Variants in OR51A7 observed in about 807,000 individuals in gnomAD.
OR51A7 encodes the protein olfactory receptor 51A7.
For missense variants in OR51A7, 409 were observed against 374.5 expected (o/e 1.09, Z -0.76); for synonymous variants, 143 against 135.5 (o/e 1.05, Z -0.38).
rs1252698299 is a variant in OR51A7 at position 4,908,428 on chromosome 11, A to G, written c.*120A>G. The G allele has an allele frequency of 1.2e-6, 1 of 829,446 alleles. No individual in the cohort carries two copies. The highest frequency in any genetic ancestry group is 2.0e-6 in the Non-Finnish European group (1 of 500,296). 51.4% of individuals were successfully genotyped at this position (829,446 alleles called of 1,614,324 possible). ...GGATGATGGAAGTGAAAAGCTATGT[A>G]GTGCAGAATTTATAATAAAGTTGAG... On this transcript the variant is annotated 3_prime_UTR_variant, in exon 2 of 2. Coordinates refer to ENST00000641490, the MANE Select transcript of OR51A7 (RefSeq NM_001004749.2).
At position 4,907,478 on chromosome 11, in the gene OR51A7, C is replaced by T. The variant is rs769755963; in HGVS notation, c.109C>T (p.Leu37Phe). 5 of 1,613,844 alleles carry T rather than the reference C, an allele frequency of 3.1e-6. No homozygotes were observed. In the South Asian group the frequency reaches 3.3e-5, roughly 11 times the overall value. The change falls in exon 2 of 2, where the codon CTT becomes TTT. Residue 37 changes from leucine to phenylalanine, a missense_variant. By Grantham distance (22) the Leu-to-Phe change is conservative. Transcript: ENST00000641490. ...CATCCCCATTTGCCTCATGTACCTG[C>T]TTGCCATCATGGGCAACTGCACCAT... is the stretch of plus-strand genomic sequence containing the variant. ...FSIPICLMYL[L>F]AIMGNCTILF...
chr11:4,904,435 A>C (rs1850852218), intron 1 of OR51A7, among the ~76,000 whole-genome samples: 1 of 152,076 alleles, frequency 6.6e-6, no homozygotes, highest in Non-Finnish European at 1.5e-5. Context: ...CATCTACTAT[A>C]TTCCACCTCT....
intron 1 of OR51A7, among the ~76,000 whole-genome samples, chr11:4,906,860 G>T (rs575213542): frequency 6.6e-6 from 1 of 152,156 alleles, no homozygotes; most frequent in East Asian, 1.9e-4. Context: ...GGAGGCCAAG[G>T]CAGGTGGATC....
At chr11:4,905,307 G>A (rs951814611) in intron 1 of OR51A7, among the ~76,000 whole-genome samples, 1 of 152,056 alleles carries the variant, frequency 6.6e-6, no homozygotes, top group Non-Finnish European at 1.5e-5. Context: ...ACTGTTCAAG[G>A]CCCTTTTCCA....
intron 1 of OR51A7, 30 bp from the exon 2 acceptor site, chr11:4,907,309 C>T (rs2133565393): frequency 2.5e-6 from 3 of 1,191,364 alleles, no homozygotes; most frequent in Non-Finnish European, 3.6e-6. Flanking sequence ...TAACCAAAAG[C>T]ATGACTGCTT....
intron 1 of OR51A7, among the ~76,000 whole-genome samples, chr11:4,904,780 G>C (rs1473822708): frequency 6.6e-6 from 1 of 152,114 alleles, no homozygotes; most frequent in Admixed American, 6.5e-5. Flanking sequence ...AAAGTGCTAA[G>C]AAATGATTCT....
Position 4,908,504 on chromosome 11 carries a change from G to A in OR51A7, c.*196G>A. 1.6e-6 allele frequency: 1 copy of A among 606,808 alleles called. No homozygotes were observed. The highest frequency in any genetic ancestry group is 2.9e-6 in the Non-Finnish European group (1 of 344,164). 37.6% of individuals were successfully genotyped at this position (606,808 alleles called of 1,614,324 possible). ...AAAGTCAAGAGATATATAAGATATAGAGGTTTAATTAACATTTTAAGGGAA... is the reference window on the plus strand; with the variant it reads ...AAAGTCAAGAGATATATAAGATATAAAGGTTTAATTAACATTTTAAGGGAA... On this transcript the variant is annotated 3_prime_UTR_variant, in exon 2 of 2. Coordinates refer to ENST00000641490, the MANE Select transcript of OR51A7 (RefSeq NM_001004749.2).
rs778430756 is a variant in OR51A7 at position 4,908,284 on chromosome 11, G to A, written c.915G>A (p.Lys305=). The change falls in exon 2 of 2, where the codon AAG becomes AAA. Residue 305 remains lysine (K), a synonymous_variant. Transcript: ENST00000641490. ...TRQIWEKILG[K]LLNVCGR ...AAATCTGGGAGAAGATCTTGGGGAA[G>A]TTGCTTAATGTATGTGGGAGATAAG... is the stretch of plus-strand genomic sequence containing the variant. 3.4e-5 allele frequency: 55 copies of A among 1,613,934 alleles called. No individual in the cohort carries two copies. Among genetic ancestry groups the A allele is most frequent in the Non-Finnish European group, 4.1e-5 (48 of 1,179,990 alleles).
chr11:4,906,599 A>G lies in OR51A7; in HGVS notation c.-31-740A>G, dbSNP rs552118610. 1.6e-3 allele frequency among the ~76,000 whole-genome samples: 243 copies of G among 152,290 alleles called. 1 individual carries two copies. The highest frequency in any genetic ancestry group is 5.7e-3 in the African/African-American group (238 of 41,550). On this transcript the variant is annotated intron_variant, in intron 1 of 1. Transcript: ENST00000641490. ...CATCTAATGACTTAATGTTTTCCAA[A>G]TATTCGCAGTGATCTCTGATTATTT...
In OR51A7 at chr11:4,907,512, T is replaced by G. The variant is rs1399862705; in HGVS notation, c.143T>G (p.Ile48Ser). Residue 48 changes from isoleucine (I) to serine (S), a missense_variant, in exon 2 of 2, where the codon ATT becomes AGT. By Grantham distance (142) the Ile-to-Ser change is moderately radical. Coordinates refer to ENST00000641490, the MANE Select transcript of OR51A7 (RefSeq NM_001004749.2). ...ATGGGCAACTGCACCATTCTCTTTA[T>G]TATAAAGACAGAGCCCTCGCTTCAT... ...AIMGNCTILF[I>S]IKTEPSLHEP... 1 of 1,613,980 alleles carries G rather than the reference T, an allele frequency of 6.2e-7. No homozygotes were observed. Among genetic ancestry groups the G allele is most frequent in the Non-Finnish European group, 8.5e-7 (1 of 1,180,008 alleles).
Position 4,908,501 on chromosome 11 carries a change from A to G in OR51A7, c.*193A>G. The G allele has an allele frequency of 1.6e-6, 1 of 608,468 alleles. No homozygotes were observed. Among genetic ancestry groups the G allele is most frequent in the Non-Finnish European group, 2.9e-6 (1 of 345,048 alleles). 37.7% of individuals were successfully genotyped at this position (608,468 alleles called of 1,614,324 possible). The stretch of plus-strand genomic sequence containing the variant: ...AAAAAAGTCAAGAGATATATAAGAT[A>G]TAGAGGTTTAATTAACATTTTAAGG... On this transcript the variant is annotated 3_prime_UTR_variant, in exon 2 of 2. Coordinates refer to ENST00000641490, the MANE Select transcript of OR51A7 (RefSeq NM_001004749.2).
Position 4,908,628 on chromosome 11 carries a change from A to G in OR51A7, c.*320A>G. On this transcript the variant is annotated 3_prime_UTR_variant, in exon 2 of 2. Transcript: ENST00000641490. ...AGATTGAGATTACCATTCAGTTAGT[A>G]TCTATTAAAAATACAGATGATATAC... 5.2e-6 allele frequency: 2 copies of G among 383,310 alleles called. No homozygotes were observed. The highest frequency in any genetic ancestry group is 8.3e-4 in the Middle Eastern group (1 of 1,200). The allele number at this position is 383,310 out of a possible 1,614,324, so 23.7% of individuals were successfully genotyped here. A position where few individuals can be genotyped will look rare whatever the true frequency, so the allele number is the denominator to read the frequency against.
At chr11:4,904,368 G>A (rs1850850740) in intron 1 of OR51A7, among the ~76,000 whole-genome samples, 1 of 152,012 alleles carries the variant, frequency 6.6e-6, no homozygotes, top group Non-Finnish European at 1.5e-5. Flanking sequence ...AATTCTAAGT[G>A]GTATGGGAAA....
Position 4,907,095 on chromosome 11 carries a change from TAAAAAA to T in OR51A7, c.-31-229_-31-224del, listed in dbSNP as rs3065178. 1.3e-4 allele frequency among the ~76,000 whole-genome samples: 7 copies of T among 55,108 alleles called. 1 individual carries two copies. The highest frequency in any genetic ancestry group is 4.6e-4 in the African/African-American group (7 of 15,258). The allele number at this position is 55,108 out of a possible 152,430, so 36.2% of individuals were successfully genotyped here. ...TGGGCAACAAGAGCAAAACTCCCTCTAAAAAAAAAAAAAAAAAAAATCCTAAAAATC... is the reference window on the plus strand; with the variant it reads ...TGGGCAACAAGAGCAAAACTCCCTCTAAAAAAAAAAAAAATCCTAAAAATC... On this transcript the variant is annotated intron_variant, in intron 1 of 1. Coordinates refer to ENST00000641490, the MANE Select transcript of OR51A7 (RefSeq NM_001004749.2).
At chr11:4,905,579 G>A (rs896233285) in intron 1 of OR51A7, among the ~76,000 whole-genome samples, 4 of 152,092 alleles carry the variant, frequency 2.6e-5, no homozygotes, top group Non-Finnish European at 5.9e-5. Context: ...ATTCTGGAGT[G>A]AGGATAGCTT....
Position 4,905,357 on chromosome 11 carries a change from C to G in OR51A7, c.-32+1513C>G, listed in dbSNP as rs186789034. 3.3e-3 allele frequency among the ~76,000 whole-genome samples: 497 copies of G among 152,254 alleles called. 3 individuals are homozygous for G. The highest frequency in any genetic ancestry group is 5.7e-3 in the Non-Finnish European group (386 of 67,990). On this transcript the variant is annotated intron_variant, in intron 1 of 1. Transcript: ENST00000641490. ...AGCTATTCACAAGTTGCCAAAATGTCTCTTAGTACCTAGCAAAAGTAAAAT... is the reference window on the plus strand; with the variant it reads ...AGCTATTCACAAGTTGCCAAAATGTGTCTTAGTACCTAGCAAAAGTAAAAT...
Position 4,908,447 on chromosome 11 carries a change from AGTT to A in OR51A7, c.*141_*143del. 2.7e-6 allele frequency: 2 copies of A among 750,122 alleles called. No homozygotes were observed. The allele number at this position is 750,122 out of a possible 1,614,324, so 46.5% of individuals were successfully genotyped here. On this transcript the variant is annotated 3_prime_UTR_variant, in exon 2 of 2. Coordinates refer to ENST00000641490, the MANE Select transcript of OR51A7 (RefSeq NM_001004749.2). ...CTATGTAGTGCAGAATTTATAATAAAGTTGAGAATATAACTGAACAGGATAGAA... is the reference window on the plus strand; with the variant it reads ...CTATGTAGTGCAGAATTTATAATAAAGAGAATATAACTGAACAGGATAGAA...
intron 1 of OR51A7, 27 bp from the exon 2 acceptor site, chr11:4,907,312 G>T: frequency 8.3e-7 from 1 of 1,201,364 alleles, no homozygotes; most frequent in Non-Finnish European, 1.2e-6. Flanking sequence ...CCAAAAGCAT[G>T]ACTGCTTTTC....
intron 1 of OR51A7, among the ~76,000 whole-genome samples, chr11:4,905,935 T>G (rs191589512): frequency 6.6e-6 from 1 of 152,276 alleles, no homozygotes; most frequent in African/African-American, 2.4e-5. Flanking sequence ...CCAACAGAAA[T>G]TGGGTGGTTT....
Sources: gnomAD v4.1 joint callset for allele counts (sites outside exome capture counted in the v4.1 genomes callset) on GRCh38, gnomAD v4.1.1 for gene constraint, MANE v1.5 for transcripts, NCBI Gene and HGNC (gene_info 2026-07-23, HGNC 2026-07-21) for gene names.